Variants in DAGLA observed in about 807,000 individuals in gnomAD.
The protein encoded by DAGLA is diacylglycerol lipase-alpha.
In DAGLA, 22 loss-of-function variants were observed where a neutral mutation model predicts 102.6. The ratio of observed to expected loss-of-function variants is 0.21; its 90% confidence interval spans 0.15 to 0.31. The LOEUF (loss-of-function observed/expected upper bound fraction) is 0.31. Ranked by LOEUF, DAGLA falls within the 10% of genes least tolerant of loss-of-function variation. The pLI, the probability that DAGLA is intolerant of heterozygous loss-of-function variation, is 1.00. For synonymous variants in DAGLA, 578 were observed against 628.9 expected, an observed-to-expected ratio of 0.92 and a Z score of 1.21; for missense variants, 927 against 1,446.6, an observed-to-expected ratio of 0.64 and a Z score of 5.83.
At chr11:61,736,982 A>G (rs1365832602) in intron 13 of DAGLA, among the ~76,000 whole-genome samples, 200 bp from the exon 14 acceptor site, 1 of 152,206 alleles carries the variant, frequency 6.6e-6, no homozygotes, top group African/African-American at 2.4e-5. Flanking sequence ...AAGCGTAAAT[A>G]AGAGTTTATT....
chr11:61,740,431 C>T, intron 17 of DAGLA, 32 bp from the exon 18 acceptor site: 4 of 1,607,582 alleles, frequency 2.5e-6, no homozygotes, highest in Non-Finnish European at 3.4e-6. Flanking sequence ...ACCACCCCAC[C>T]CTTAACTCCC....
chr11:61,704,462 C>G (rs1460646923), intron 1 of DAGLA, among the ~76,000 whole-genome samples: 1 of 152,126 alleles, frequency 6.6e-6, no homozygotes, highest in East Asian at 1.9e-4. Context: ...CGCAGAAAGG[C>G]AGGAGAAGGC....
intron 1 of DAGLA, among the ~76,000 whole-genome samples, chr11:61,703,325 G>A (rs1207396142): frequency 1.3e-5 from 2 of 152,150 alleles, no homozygotes; most frequent in African/African-American, 4.8e-5. Flanking sequence ...TAGGAAAACT[G>A]AGTCCTATGA....
At chr11:61,701,474 T>C (rs1469373397) in intron 1 of DAGLA, among the ~76,000 whole-genome samples, 1 of 152,164 alleles carries the variant, frequency 6.6e-6, no homozygotes, top group African/African-American at 2.4e-5. Flanking sequence ...TCGTGGATTG[T>C]ACGAACCTGG....
chr11:61,735,661 TC>T lies in DAGLA; in HGVS notation c.1212+20del. On this transcript the variant is annotated intron_variant, in intron 11 of 19. Coordinates refer to ENST00000257215, the MANE Select transcript of DAGLA (RefSeq NM_006133.3). Reference sequence around the variant, plus strand: ...TCCCCCAAGGTACGCTGCCCATGGCTCCCAGCCCCCGGGGGTGCCTGCCTCC... The same window carrying T: ...TCCCCCAAGGTACGCTGCCCATGGCTCCAGCCCCCGGGGGTGCCTGCCTCC... 6.2e-7 allele frequency: 1 copy of T among 1,613,534 alleles called. No homozygotes were observed. Among genetic ancestry groups the T allele is most frequent in the Non-Finnish European group, 8.5e-7 (1 of 1,179,584 alleles).
intron 6 of DAGLA, among the ~76,000 whole-genome samples, chr11:61,727,313 T>C (rs958506892): frequency 1.3e-5 from 2 of 152,220 alleles, no homozygotes; most frequent in Admixed American, 6.5e-5. Flanking sequence ...CCGAGCAGTA[T>C]CTGGCTCCGT....
intron 7 of DAGLA, 91 bp from the exon 8 acceptor site, chr11:61,728,840 G>A (rs2065352029): frequency 9.0e-7 from 1 of 1,113,908 alleles, no homozygotes; most frequent in Non-Finnish European, 1.4e-6. Flanking sequence ...CCTTTGGGAA[G>A]CAGGCGGACG....
chr11:61,688,434 C>A (rs1426945147), intron 1 of DAGLA, among the ~76,000 whole-genome samples: 1 of 152,214 alleles, frequency 6.6e-6, no homozygotes, highest in Admixed American at 6.5e-5. Flanking sequence ...TGCACCCACC[C>A]TCTAAGCCAC....
chr11:61,734,761 A>C lies in DAGLA; in HGVS notation c.975-88A>C. On this transcript the variant is annotated intron_variant, in intron 9 of 19. Coordinates refer to ENST00000257215, the MANE Select transcript of DAGLA (RefSeq NM_006133.3). The surrounding 1 kb of genome is among the most constrained non-coding windows in gnomAD (Gnocchi z 4.2). ...TAGAGGCAGTGGGGCTGAATGCCCA[A>C]CTGGAACTGGTTCCAGGGACAGTGG... 1.5e-6 allele frequency: 2 copies of C among 1,368,310 alleles called. No individual in the cohort carries two copies. The highest frequency in any genetic ancestry group is 2.0e-6 in the Non-Finnish European group (2 of 984,938). 84.8% of individuals were successfully genotyped at this position (1,368,310 alleles called of 1,614,324 possible).
intron 1 of DAGLA, among the ~76,000 whole-genome samples, chr11:61,683,318 C>G (rs531120251): frequency 1.3e-5 from 2 of 152,316 alleles, no homozygotes; most frequent in African/African-American, 4.8e-5. Context: ...CCGTAGCTGC[C>G]ACGCAGACAC....
intron 13 of DAGLA, 90 bp from the exon 14 acceptor site, chr11:61,737,092 A>C (rs1353132913): frequency 1.3e-6 from 2 of 1,558,650 alleles, no homozygotes; most frequent in Non-Finnish European, 1.8e-6. Flanking sequence ...CTCTGGGAAG[A>C]TGGGAAGACC....
At chr11:61,697,947 C>T (rs1403959188) in intron 1 of DAGLA, among the ~76,000 whole-genome samples, 1 of 152,226 alleles carries the variant, frequency 6.6e-6, no homozygotes, top group Admixed American at 6.5e-5. Context: ...TTCCTCCTCC[C>T]CTGGGAGTCA....
At chr11:61,741,051 C>A in intron 18 of DAGLA, 111 bp from the exon 19 acceptor site, 1 of 1,069,996 alleles carries the variant, frequency 9.3e-7, no homozygotes, top group Non-Finnish European at 1.3e-6. Flanking sequence ...ACCCAAGTGA[C>A]TCCATGAGGC....
At chr11:61,710,797 T>A (rs1197514327) in intron 1 of DAGLA, among the ~76,000 whole-genome samples, 1 of 152,220 alleles carries the variant, frequency 6.6e-6, no homozygotes, top group Non-Finnish European at 1.5e-5. Flanking sequence ...ACATGGTTAC[T>A]AAATCACAAT....
intron 8 of DAGLA, among the ~76,000 whole-genome samples, chr11:61,731,098 A>T (rs1404385388): frequency 6.6e-6 from 1 of 152,172 alleles, no homozygotes; most frequent in Non-Finnish European, 1.5e-5. Context: ...GTCTCTGAGG[A>T]TTCGTGTCCT....
At chr11:61,731,101 C>T (rs1224577761) in intron 8 of DAGLA, among the ~76,000 whole-genome samples, 4 of 152,224 alleles carry the variant, frequency 2.6e-5, no homozygotes, top group Admixed American at 2.6e-4. Flanking sequence ...TCTGAGGATT[C>T]GTGTCCTGGT....
intron 1 of DAGLA, among the ~76,000 whole-genome samples, chr11:61,707,181 C>T (rs1479603098): frequency 2.0e-5 from 3 of 152,220 alleles, no homozygotes; most frequent in Non-Finnish European, 2.9e-5. Flanking sequence ...GGGGCTGTGC[C>T]GAGCATGTGG....
chr11:61,746,006 C>T lies in DAGLA; in HGVS notation c.*1517C>T, dbSNP rs1789829862. ...TGCACGGCTGACCGCCTGCTCGTGC[C>T]TTCATTCTGCAGCGGCATGGTCCCT... On this transcript the variant is annotated 3_prime_UTR_variant, in exon 20 of 20. Coordinates refer to ENST00000257215, the MANE Select transcript of DAGLA (RefSeq NM_006133.3). 1.3e-5 allele frequency: 2 copies of T among 152,438 alleles called. No homozygotes were observed. Among genetic ancestry groups the T allele is most frequent in the Admixed American group, 1.3e-4 (2 of 15,292 alleles). The allele number at this position is 152,438 out of a possible 1,614,324, so 9.4% of individuals were successfully genotyped here. A position where few individuals can be genotyped will look rare whatever the true frequency, so the allele number is the denominator to read the frequency against.
intron 16 of DAGLA, among the ~76,000 whole-genome samples, chr11:61,738,623 T>C (rs2065447446): frequency 6.6e-6 from 1 of 151,790 alleles, no homozygotes; most frequent in South Asian, 2.1e-4. Flanking sequence ...GAATGACCTG[T>C]GGAGAGGATT....
Sources: gnomAD v4.1 joint callset for allele counts (sites outside exome capture counted in the v4.1 genomes callset) on GRCh38, gnomAD v4.1.1 for gene constraint, Gnocchi (gnomAD v3.1) non-coding constraint, MANE v1.5 for transcripts, NCBI Gene and HGNC (gene_info 2026-07-23, HGNC 2026-07-21) for gene names.